Variants in RAI1 observed in about 807,000 individuals in gnomAD.
RAI1 encodes retinoic acid induced 1.
RAI1 carries 9 observed loss-of-function variants against 123.8 expected under a neutral mutation model. The ratio of observed to expected loss-of-function variants is 0.07; its 90% CI spans 0.04 to 0.13. The LOEUF is 0.13. RAI1 is among the 10% of genes least tolerant of loss of function. The pLI, the probability that RAI1 is intolerant of heterozygous loss-of-function variation, is 1.00. For missense variants in RAI1, 2,256 were observed against 2,545.8 expected, an observed-to-expected ratio of 0.89 and a Z score of 2.45; for synonymous variants, 1,231 against 1,127.3, an observed-to-expected ratio of 1.09 and a Z score of -1.84.
rs1598101625 is a variant in RAI1 at position 17,808,802 on chromosome 17, G to GA, written c.5660-588_5660-587insA. Among the ~76,000 whole-genome samples the GA allele has an allele frequency of 8.5e-5, 13 of 152,276 alleles. No individual in the cohort carries two copies. The East Asian group carries it at 2.5e-3, about 29-fold the overall frequency. ...CTCCATGATAGGCATACAGTAGGTG[G>GA]CATAATGCCCATTTTACAGATGTGG... is the stretch of plus-strand genomic sequence containing the variant. On this transcript the variant is annotated intron_variant, in intron 4 of 5. Coordinates refer to ENST00000353383, the MANE Select transcript of RAI1 (RefSeq NM_030665.4).
intron 2 of RAI1, among the ~76,000 whole-genome samples, chr17:17,783,896 T>G (rs972218613): frequency 3.9e-5 from 6 of 151,912 alleles, no homozygotes; most frequent in Middle Eastern, 3.2e-3. Context: ...GAAGTCAGCT[T>G]GCCAACTGGA....
At position 17,793,118 on chromosome 17, in the gene RAI1, C is replaced by T. The variant is rs1229553889; in HGVS notation, c.170C>T (p.Pro57Leu). The T allele has an allele frequency of 5.6e-6, 9 of 1,613,926 alleles. No individual in the cohort carries two copies. The highest frequency in any genetic ancestry group is 4.0e-5 in the African/African-American group (3 of 74,938). Residue 57 changes from proline (P) to leucine (L), a missense_variant, in exon 3 of 6, where the codon CCG becomes CTG. Around this residue, in one of 7 missense-constraint regions of RAI1, gnomAD observed 336 missense variants for 349.8 expected, o/e 0.96. Coordinates refer to ENST00000353383, the MANE Select transcript of RAI1 (RefSeq NM_030665.4). ...AKDYYNPQPY[P>L]SYEGGAGTPS... ...GACTATTATAACCCGCAGCCTTACC[C>T]GAGCTATGAGGGTGGCGCTGGCACG...
At chr17:17,808,384 TTATTA>T (rs1293670940) in intron 4 of RAI1, among the ~76,000 whole-genome samples, 1 of 135,508 alleles carries the variant, frequency 7.4e-6, no homozygotes, top group African/African-American at 3.1e-5. Context: ...ATATTTTATT[TTATTA>T]TTTTATTTTA....
Position 17,796,759 on chromosome 17 carries a change from A to G in RAI1, c.3811A>G (p.Lys1271Glu). ...ERPEGSPTLF[K>E]RMSSPKKAKP... The stretch of plus-strand genomic sequence containing the variant: ...GCCTGAGGGTTCCCCCACCCTCTTC[A>G]AGAGGATGTCTTCTCCCAAGAAAGC... The change falls in exon 3 of 6, where the codon AAG becomes GAG. Residue 1271 changes from lysine to glutamate, a missense_variant. Transcript: ENST00000353383. The surrounding 1 kb of genome is among the most constrained non-coding windows in gnomAD (Gnocchi z 5.8). The G allele has an allele frequency of 6.2e-7, 1 of 1,613,304 alleles. No individual in the cohort carries two copies. Among genetic ancestry groups the G allele is most frequent in the Non-Finnish European group, 8.5e-7 (1 of 1,179,816 alleles).
At chr17:17,695,356 G>C (rs1386380000) in intron 1 of RAI1, among the ~76,000 whole-genome samples, 1 of 152,018 alleles carries the variant, frequency 6.6e-6, no homozygotes, top group Non-Finnish European at 1.5e-5. Context: ...TCGTTGGACT[G>C]TCTGGCTGGG....
intron 2 of RAI1, among the ~76,000 whole-genome samples, chr17:17,731,020 C>G (rs1598041096): frequency 6.6e-6 from 1 of 152,210 alleles, no homozygotes; most frequent in South Asian, 2.1e-4. Flanking sequence ...GAGGCAGGCT[C>G]TGCAGGAGCT....
rs533971929 is a variant in RAI1, at chr17:17,775,203, T to A, written c.-16-17730T>A. Among the ~76,000 whole-genome samples the A allele has an allele frequency of 6.0e-4, 76 of 126,576 alleles. 1 individual carries two copies. The highest frequency in any genetic ancestry group is 2.7e-3 in the African/African-American group (71 of 26,726). The allele number at this position is 126,576 out of a possible 152,430, so 83.0% of individuals were successfully genotyped here. On this transcript the variant is annotated intron_variant, in intron 2 of 5. Transcript: ENST00000353383. ...ACACAGCTGAAAATTCATGTGTAAT[T>A]TTTTTTTTTTTTTTTTTTGAGACAG...
intron 2 of RAI1, among the ~76,000 whole-genome samples, chr17:17,784,035 C>T (rs1475306878): frequency 6.6e-6 from 1 of 152,170 alleles, no homozygotes; most frequent in Non-Finnish European, 1.5e-5. Flanking sequence ...TTTTCTCTCT[C>T]CTTAATAATA....
chr17:17,793,006 A>G lies in RAI1; in HGVS notation c.58A>G (p.Thr20Ala). 3.7e-6 allele frequency: 6 copies of G among 1,614,000 alleles called. No homozygotes were observed. Among genetic ancestry groups the G allele is most frequent in the Non-Finnish European group, 3.4e-6 (4 of 1,179,982 alleles). ...FHGKQQNYQQ[T>A]SQETSRLENY... ...TGGCAAACAACAGAACTACCAGCAGACCTCGCAGGAAACATCACGCCTAGA... is the reference window on the plus strand; with the variant it reads ...TGGCAAACAACAGAACTACCAGCAGGCCTCGCAGGAAACATCACGCCTAGA... Residue 20 changes from threonine (T) to alanine (A), a missense_variant, in exon 3 of 6, where the codon ACC (threonine) becomes GCC (alanine). Thr to Ala is a moderately conservative substitution (Grantham distance 58, BLOSUM62 0). Coordinates refer to ENST00000353383, the MANE Select transcript of RAI1 (RefSeq NM_030665.4).
chr17:17,740,938 T>G (rs1916603975), intron 2 of RAI1, among the ~76,000 whole-genome samples: 1 of 105,166 alleles, frequency 9.5e-6, no homozygotes, highest in African/African-American at 3.7e-5. Flanking sequence ...GCTTTGCCCT[T>G]GAACAGGGAG....
At chr17:17,761,359 G>T (rs148888367) in intron 2 of RAI1, among the ~76,000 whole-genome samples, 1 of 151,648 alleles carries the variant, frequency 6.6e-6, no homozygotes, top group African/African-American at 2.4e-5. Flanking sequence ...CTCTGGAATC[G>T]TACCAATCCA....
At chr17:17,746,122 C>G (rs558071167) in intron 2 of RAI1, among the ~76,000 whole-genome samples, 1 of 152,334 alleles carries the variant, frequency 6.6e-6, no homozygotes, top group African/African-American at 2.4e-5. Flanking sequence ...GCACTGGAAA[C>G]GGCAGCCGGC....
chr17:17,797,759 G>A lies in RAI1; in HGVS notation c.4811G>A (p.Arg1604Gln), dbSNP rs773995975. 59 of 1,613,960 alleles carry A rather than the reference G, an allele frequency of 3.7e-5. No individual in the cohort carries two copies. Among genetic ancestry groups the A allele is most frequent in the Middle Eastern group, 1.6e-4 (1 of 6,084 alleles). The change falls in exon 3 of 6, where the codon CGA becomes CAA. Residue 1604 changes from arginine (R) to glutamine (Q), a missense_variant. This residue lies in a region of RAI1 where 410 missense variants were observed against 374.6 expected (regional missense o/e 1.09). Transcript: ENST00000353383. Reference protein sequence around the residue: ...AFSPFVRVEKRDAFTTICTVV... With the variant: ...AFSPFVRVEKQDAFTTICTVV... ...TCACCCTTCGTGCGGGTGGAGAAGC[G>A]AGACGCGTTCACCACCATATGCACT...
At chr17:17,786,635 A>G (rs1398947666) in intron 2 of RAI1, among the ~76,000 whole-genome samples, 1 of 152,240 alleles carries the variant, frequency 6.6e-6, no homozygotes, top group Non-Finnish European at 1.5e-5. Flanking sequence ...GGCTTGCCCA[A>G]GGTCACACAG....
intron 1 of RAI1, among the ~76,000 whole-genome samples, chr17:17,712,982 TG>T (rs1215047602): frequency 7.4e-6 from 1 of 134,626 alleles, no homozygotes. Flanking sequence ...TGCCAGGGGC[TG>T]GGGGTGGGGA....
chr17:17,721,421 AG>A (rs1437390391), intron 1 of RAI1, among the ~76,000 whole-genome samples: 1 of 152,210 alleles, frequency 6.6e-6, no homozygotes, highest in African/African-American at 2.4e-5. Context: ...ATTAGAAGGT[AG>A]GGAACAGCAT....
At chr17:17,713,737 TCTGTGTACTTTTC>T (rs1915633107) in intron 1 of RAI1, among the ~76,000 whole-genome samples, 1 of 152,250 alleles carries the variant, frequency 6.6e-6, no homozygotes, top group Non-Finnish European at 1.5e-5. Flanking sequence ...TTGTTTGTTT[TCTGTGTACTTTTC>T]AATTTTTAAA....
chr17:17,793,922 A>G lies in RAI1; in HGVS notation c.974A>G (p.Asp325Gly), dbSNP rs771793232. Residue 325 changes from aspartate (D) to glycine (G), a missense_variant, in exon 3 of 6, where the codon GAC (aspartate) becomes GGC (glycine). This residue lies in a region of RAI1 where 357 missense variants were observed against 480.2 expected (regional missense o/e 0.74). Coordinates refer to ENST00000353383, the MANE Select transcript of RAI1 (RefSeq NM_030665.4). ...GQQGQGYCQP[D>G]AAVRTPEQYY... is the part of the protein sequence containing the mutation. ...CAAGGCCAGGGCTACTGCCAGCCGG[A>G]CGCAGCCGTCCGGACCCCAGAGCAG... 6.2e-7 allele frequency: 1 copy of G among 1,613,846 alleles called. No homozygotes were observed. The highest frequency in any genetic ancestry group is 1.7e-5 in the Admixed American group (1 of 60,018).
At chr17:17,803,085 C>CAAAA (rs1167089282) in intron 3 of RAI1, among the ~76,000 whole-genome samples, 15 of 55,884 alleles carry the variant, frequency 2.7e-4, no homozygotes, top group South Asian at 7.3e-4. Context: ...AATTCTGTCT[C>CAAAA]AAAAAAAAAA....
Sources: gnomAD v4.1 joint callset for allele counts (sites outside exome capture counted in the v4.1 genomes callset) on GRCh38, gnomAD v4.1.1 for gene constraint, gnomAD v4.1.1 regional missense constraint, Gnocchi (gnomAD v3.1) non-coding constraint, MANE v1.5 for transcripts, NCBI Gene and HGNC (gene_info 2026-07-23, HGNC 2026-07-21) for gene names.